The following MLLT1 variants were observed in gnomAD, a reference collection of about 807,000 sequenced individuals.
MLLT1 encodes the protein protein ENL.
MLLT1 carries 11 observed loss-of-function variants against 55.1 expected under a neutral mutation model. That is an observed-to-expected ratio of 0.20 (90% CI 0.13 to 0.33). The LOEUF is 0.33. Ranked by LOEUF, MLLT1 falls within the 10% of genes least tolerant of loss-of-function variation. The probability of loss-of-function intolerance (pLI) is 1.00; values close to 1 mark genes in which losing one functional copy is unlikely to be tolerated. For missense variants in MLLT1, 536 were observed against 760.6 expected (o/e 0.70, Z 3.47); for synonymous variants, 323 against 320.1 (o/e 1.01, Z -0.10).
At chr19:6,217,811 C>A (rs916786583) in intron 7 of MLLT1, 143 bp downstream of exon 7, 3 of 1,211,274 alleles carry the variant, frequency 2.5e-6, no homozygotes, top group African/African-American at 3.2e-5. Context: ...AATATAGACT[C>A]CCCCAGGCCA....
rs751988860 is a variant in MLLT1, at chr19:6,229,714, ACC to A, written c.420+854_420+855del. 6.7e-6 allele frequency among the ~76,000 whole-genome samples: 1 copy of A among 150,090 alleles called. No individual in the cohort carries two copies. Among genetic ancestry groups the A allele is most frequent in the East Asian group, 2.0e-4 (1 of 5,110 alleles). ...CCACACCCGTGACACCACACACCAC[ACC>A]CCTACATGCCACACATGCCACACAC... On this transcript the variant is annotated intron_variant, in intron 4 of 11. Transcript: ENST00000252674. This position sits in a 1 kb window ranked among gnomAD's most constrained non-coding sequence, Gnocchi z 5.2.
chr19:6,252,097 A>G (rs2091220577), intron 3 of MLLT1, among the ~76,000 whole-genome samples: 1 of 152,170 alleles, frequency 6.6e-6, no homozygotes, highest in Non-Finnish European at 1.5e-5. Context: ...GCACCATCCA[A>G]CTGGTTGGGT....
At chr19:6,223,965 C>T (rs888450933) in intron 5 of MLLT1, among the ~76,000 whole-genome samples, 1 of 152,196 alleles carries the variant, frequency 6.6e-6, no homozygotes, top group African/African-American at 2.4e-5. Flanking sequence ...CAGCCAGATC[C>T]CGAAGGCCCT....
chr19:6,253,900 T>C (rs906890043), intron 3 of MLLT1, among the ~76,000 whole-genome samples: 4 of 152,206 alleles, frequency 2.6e-5, no homozygotes, highest in Admixed American at 6.5e-5. Context: ...AAACACTTTC[T>C]GAGAGATGGT....
chr19:6,271,388 T>C (rs188907454), intron 1 of MLLT1, among the ~76,000 whole-genome samples: 1 of 152,192 alleles, frequency 6.6e-6, no homozygotes, highest in Admixed American at 6.5e-5. Flanking sequence ...TGGCTTTCAG[T>C]TTCAAAAGCA....
intron 4 of MLLT1, among the ~76,000 whole-genome samples, chr19:6,228,863 G>A (rs1462189443): frequency 1.3e-5 from 2 of 152,044 alleles, no homozygotes; most frequent in Non-Finnish European, 2.9e-5. Context: ...AGCGCCCAGC[G>A]CCTGGGGCAG....
Position 6,212,870 on chromosome 19 carries a change from C to G in MLLT1, c.*172G>C. The stretch of plus-strand genomic sequence containing the variant: ...GGCCCCAGGGCTCCTGGCGATGGAG[C>G]GGGGAGAGTGGGCAGGGAGCCGCCG... On this transcript the variant is annotated 3_prime_UTR_variant, in exon 12 of 12. Coordinates refer to ENST00000252674, the MANE Select transcript of MLLT1 (RefSeq NM_005934.4). 1 of 1,005,954 alleles carries G rather than the reference C, an allele frequency of 9.9e-7. No individual in the cohort carries two copies. The highest frequency in any genetic ancestry group is 1.4e-6 in the Non-Finnish European group (1 of 716,404). The allele number at this position is 1,005,954 out of a possible 1,614,324, so 62.3% of individuals were successfully genotyped here.
chr19:6,249,367 G>T (rs2091195726), intron 3 of MLLT1, among the ~76,000 whole-genome samples: 1 of 152,094 alleles, frequency 6.6e-6, no homozygotes, highest in Non-Finnish European at 1.5e-5. Flanking sequence ...GAACAGGAAG[G>T]GCTTTAAATA....
At chr19:6,218,555 G>A (rs1170806742) in intron 6 of MLLT1, among the ~76,000 whole-genome samples, 1 of 152,258 alleles carries the variant, frequency 6.6e-6, no homozygotes, top group Non-Finnish European at 1.5e-5. Context: ...CCTACCGCCA[G>A]CTGCCCAAGA....
At position 6,212,477 on chromosome 19, in the gene MLLT1, T is replaced by C. The variant is rs893002019; in HGVS notation, c.*565A>G. 5 of 1,066,592 alleles carry C rather than the reference T, an allele frequency of 4.7e-6. No individual in the cohort carries two copies. The African/African-American group carries it at 4.9e-5, about 10-fold the overall frequency. The allele number at this position is 1,066,592 out of a possible 1,614,324, so 66.1% of individuals were successfully genotyped here. A position where few individuals can be genotyped will look rare whatever the true frequency, so the allele number is the denominator to read the frequency against. On this transcript the variant is annotated 3_prime_UTR_variant, in exon 12 of 12. Coordinates refer to ENST00000252674, the MANE Select transcript of MLLT1 (RefSeq NM_005934.4). ...ATGGACACTGCTCTTGACCAGACAG[T>C]GCACACACATATATAATAGAGAGAA...
At chr19:6,213,672 T>TTGGG in intron 10 of MLLT1, 54 bp downstream of exon 10, 1 of 1,075,346 alleles carries the variant, frequency 9.3e-7, no homozygotes, top group Non-Finnish European at 1.4e-6. Flanking sequence ...TGGCTGCAAC[T>TTGGG]CCCACCACCC....
At chr19:6,274,142 G>A (rs1011013376) in intron 1 of MLLT1, among the ~76,000 whole-genome samples, 5 of 152,218 alleles carry the variant, frequency 3.3e-5, no homozygotes, top group Non-Finnish European at 7.4e-5. Flanking sequence ...TGCGAAGTTC[G>A]GGTGCCCGGC....
rs2091259841 is a variant in MLLT1, at chr19:6,256,696, G to A, written c.276+5532C>T. Among the ~76,000 whole-genome samples, 1 of 152,084 alleles carries A rather than the reference G, an allele frequency of 6.6e-6. No individual in the cohort carries two copies. Among genetic ancestry groups the A allele is most frequent in the Non-Finnish European group, 1.5e-5 (1 of 68,018 alleles). Reference sequence around the variant, plus strand: ...GTGAACCCGGGAGGCGGAGCTTGCAGTGAGCCGAGATGGCGCCACTGCACT... The same window carrying A: ...GTGAACCCGGGAGGCGGAGCTTGCAATGAGCCGAGATGGCGCCACTGCACT... On this transcript the variant is annotated intron_variant, in intron 3 of 11. Coordinates refer to ENST00000252674, the MANE Select transcript of MLLT1 (RefSeq NM_005934.4). The surrounding 1 kb of genome is among the most constrained non-coding windows in gnomAD (Gnocchi z 4.1).
In MLLT1 at chr19:6,211,638, C is replaced by G; in HGVS notation, c.*1404G>C. The stretch of plus-strand genomic sequence containing the variant: ...TCTTTTCCTCATAACTTGGTCAGGG[C>G]ACAAGGACTTGAAAGGACTTGAAAG... On this transcript the variant is annotated 3_prime_UTR_variant, in exon 12 of 12. Transcript: ENST00000252674. This position sits in a 1 kb window ranked among gnomAD's most constrained non-coding sequence, Gnocchi z 4.6. The G allele has an allele frequency of 9.4e-7, 1 of 1,065,012 alleles. No individual in the cohort carries two copies. Among genetic ancestry groups the G allele is most frequent in the Non-Finnish European group, 1.1e-6 (1 of 879,040 alleles). The allele number at this position is 1,065,012 out of a possible 1,614,324, so 66.0% of individuals were successfully genotyped here. A position where few individuals can be genotyped will look rare whatever the true frequency, so the allele number is the denominator to read the frequency against.
intron 2 of MLLT1, among the ~76,000 whole-genome samples, chr19:6,263,690 A>G (rs1358402106): frequency 2.6e-5 from 4 of 152,254 alleles, no homozygotes; most frequent in Non-Finnish European, 5.9e-5. Context: ...GCAAGAGGAC[A>G]GGAATAAGGC....
chr19:6,223,077 G>A (rs1343711328), intron 5 of MLLT1, among the ~76,000 whole-genome samples: 1 of 152,146 alleles, frequency 6.6e-6, no homozygotes, highest in African/African-American at 2.4e-5. Flanking sequence ...GGGTGCTGGC[G>A]GGCACTGGAC....
In MLLT1 at chr19:6,227,978, G is replaced by C. The variant is rs1320532851; in HGVS notation, c.421-876C>G. Among the ~76,000 whole-genome samples, 8 of 152,176 alleles carry C rather than the reference G, an allele frequency of 5.3e-5. No homozygotes were observed. Among genetic ancestry groups the C allele is most frequent in the Non-Finnish European group, 1.2e-4 (8 of 68,020 alleles). On this transcript the variant is annotated intron_variant, in intron 4 of 11. Coordinates refer to ENST00000252674, the MANE Select transcript of MLLT1 (RefSeq NM_005934.4). The surrounding 1 kb of genome is among the most constrained non-coding windows in gnomAD (Gnocchi z 5.1). ...TAGAAGAAGCACTGCTAACAGCCTT[G>C]AGCACCTGCAGTTCCCGGCCAGCCA...
In MLLT1 at chr19:6,212,252, AC is replaced by A; in HGVS notation, c.*789del. 5 of 1,063,380 alleles carry A rather than the reference AC, an allele frequency of 4.7e-6. No individual in the cohort carries two copies. The highest frequency in any genetic ancestry group is 5.0e-5 in the East Asian group (1 of 19,972). The allele number at this position is 1,063,380 out of a possible 1,614,324, so 65.9% of individuals were successfully genotyped here. ...TCGCTGCCCTTTGTAGTGTTGGCTG[AC>A]CCCCCCGGGAGCCCCGGTAGGAGGC... On this transcript the variant is annotated 3_prime_UTR_variant, in exon 12 of 12. Transcript: ENST00000252674.
chr19:6,244,207 G>T (rs1260708426), intron 3 of MLLT1, among the ~76,000 whole-genome samples: 1 of 151,844 alleles, frequency 6.6e-6, no homozygotes, highest in East Asian at 1.9e-4. Flanking sequence ...GCCGTCTCTT[G>T]CCCTGTCAGT....
Sources: allele counts gnomAD v4.1 joint callset (sites outside exome capture counted in the v4.1 genomes callset), GRCh38; gene constraint gnomAD v4.1.1; non-coding constraint Gnocchi (gnomAD v3.1); transcripts MANE v1.5; gene names NCBI Gene and HGNC (gene_info 2026-07-23, HGNC 2026-07-21).